ATP13A4: variants seen among roughly 807,000 people sequenced by gnomAD.
The protein encoded by ATP13A4 is ATPase 13A4, also known as probable cation-transporting ATPase 13A4.
A neutral mutation model predicts 142.5 loss-of-function variants in ATP13A4; 114 were observed. The observed-to-expected ratio is 0.80, with a 90% CI of 0.69 to 0.93. The LOEUF (loss-of-function observed/expected upper bound fraction) is 0.93, where lower values mean the gene tolerates loss of function less well. Ranked by LOEUF, ATP13A4 falls within the 40% of genes least tolerant of loss-of-function variation. The probability of loss-of-function intolerance (pLI) is 0.00; values close to 1 mark genes in which losing one functional copy is unlikely to be tolerated. For synonymous variants in ATP13A4, 488 were observed against 514.8 expected, an observed-to-expected ratio of 0.95 and a Z score of 0.70; for missense variants, 1,392 against 1,454.0, an observed-to-expected ratio of 0.96 and a Z score of 0.69.
rs1261840127 is a variant in ATP13A4, at chr3:193,474,602, A to G, written c.809-3609T>C. 3.3e-5 allele frequency among the ~76,000 whole-genome samples: 5 copies of G among 149,926 alleles called. No individual in the cohort carries two copies. In the East Asian group the frequency reaches 9.7e-4, roughly 29 times the overall value. The stretch of plus-strand genomic sequence containing the variant: ...GAAAGAAAGAAGGAAAGAAAGGAAG[A>G]AAGGAAGGAAGAAAGGAAGGAGAGA... On this transcript the variant is annotated intron_variant, in intron 8 of 29. Coordinates refer to ENST00000342695, the MANE Select transcript of ATP13A4 (RefSeq NM_032279.4).
Position 193,523,131 on chromosome 3 carries a change from C to T in ATP13A4, c.61-8260G>A, listed in dbSNP as rs1366554300. On this transcript the variant is annotated intron_variant, in intron 1 of 29. Coordinates refer to ENST00000342695, the MANE Select transcript of ATP13A4 (RefSeq NM_032279.4). ...CAGCCTAGCCAACAAGGTGAAACCCCGTCTCTACTAAAAATTCCAAAAATT... is the reference window on the plus strand; with the variant it reads ...CAGCCTAGCCAACAAGGTGAAACCCTGTCTCTACTAAAAATTCCAAAAATT... 3.3e-5 allele frequency among the ~76,000 whole-genome samples: 5 copies of T among 152,118 alleles called. No individual in the cohort carries two copies. The East Asian group carries it at 5.8e-4, about 18-fold the overall frequency.
intron 17 of ATP13A4, 149 bp from the exon 18 acceptor site, chr3:193,448,479 G>C: frequency 1.0e-6 from 1 of 988,398 alleles, no homozygotes; most frequent in Non-Finnish European, 1.5e-6. Context: ...GGGATTATAG[G>C]TGCCCACCAC....
At position 193,573,301 on chromosome 3, in the gene ATP13A4, A is replaced by ATATATTCT. The variant is rs1553862276; in HGVS notation, n.291+8405_291+8406insAGAATATA. ...CATATATATATATACACATATATAT[A>ATATATTCT]TATATACATATATATATATATATAT... On this transcript the variant is annotated intron_variant and non_coding_transcript_variant, in intron 2 of 3. Coordinates refer to the ATP13A4 transcript ENST00000489140. 1.6e-3 allele frequency among the ~76,000 whole-genome samples: 124 copies of ATATATTCT among 78,964 alleles called. 1 individual carries two copies. Among genetic ancestry groups the ATATATTCT allele is most frequent in the Admixed American group, 4.9e-3 (38 of 7,748 alleles). 51.8% of individuals were successfully genotyped at this position (78,964 alleles called of 152,430 possible).
In ATP13A4 at chr3:193,502,542, G is replaced by C. The variant is rs781023293; in HGVS notation, c.332C>G (p.Thr111Arg). 2 of 1,613,724 alleles carry C rather than the reference G, an allele frequency of 1.2e-6. No individual in the cohort carries two copies. The highest frequency in any genetic ancestry group is 1.7e-6 in the Non-Finnish European group (2 of 1,179,818). Reference sequence around the variant, plus strand: ...TCTATTTATGATATACTCCTCATCTGTCATGAGAGGGTGGTCAGGAGTGAG... The same window carrying C: ...TCTATTTATGATATACTCCTCATCTCTCATGAGAGGGTGGTCAGGAGTGAG... Reference protein sequence around the residue: ...FGLTPDHPLMTDEEYIINRAI... With the variant: ...FGLTPDHPLMRDEEYIINRAI... Residue 111 changes from threonine (T) to arginine (R), a missense_variant, in exon 3 of 30, where the codon ACA (threonine) becomes AGA (arginine). Coordinates refer to ENST00000342695, the MANE Select transcript of ATP13A4 (RefSeq NM_032279.4).
chr3:193,552,724 G>T lies in ATP13A4; in HGVS notation c.60+2016C>A, dbSNP rs555035490. Among the ~76,000 whole-genome samples the T allele has an allele frequency of 7.9e-4, 121 of 152,280 alleles. 1 individual carries two copies. Among genetic ancestry groups the T allele is most frequent in the African/African-American group, 2.8e-3 (116 of 41,552 alleles). ...GCTATGTTCAGGTCCAGAGACAAAA[G>T]AGCTGTCAACTTAAACTAACCTGTG... On this transcript the variant is annotated intron_variant, in intron 1 of 29. Transcript: ENST00000342695.
chr3:193,419,580 A>G (rs1715304862), intron 25 of ATP13A4, among the ~76,000 whole-genome samples: 1 of 137,092 alleles, frequency 7.3e-6, no homozygotes, highest in Non-Finnish European at 1.6e-5. Context: ...CTTACCCCCA[A>G]GCCTGAGCTA....
intron 21 of ATP13A4, among the ~76,000 whole-genome samples, chr3:193,439,321 C>T (rs1023375684): frequency 1.3e-5 from 2 of 152,156 alleles, no homozygotes. Flanking sequence ...GTTTTCTCAG[C>T]TGTAAGACAG....
intron 25 of ATP13A4, among the ~76,000 whole-genome samples, chr3:193,425,413 G>A (rs185871664): frequency 1.9e-4 from 29 of 151,714 alleles, no homozygotes; most frequent in Non-Finnish European, 2.7e-4. Context: ...CTGCACTCCC[G>A]TGTTTATTGA....
chr3:193,510,333 A>G (rs1721078175), intron 2 of ATP13A4, among the ~76,000 whole-genome samples: 1 of 152,102 alleles, frequency 6.6e-6, no homozygotes, highest in African/African-American at 2.4e-5. Flanking sequence ...AAAACATCAA[A>G]CGGAAGTGCC....
intron 16 of ATP13A4, among the ~76,000 whole-genome samples, chr3:193,456,050 A>G (rs1187547988): frequency 1.3e-5 from 2 of 152,158 alleles, no homozygotes; most frequent in African/African-American, 2.4e-5. Flanking sequence ...GGAGAGGATC[A>G]GGAAAAATAA....
intron 16 of ATP13A4, among the ~76,000 whole-genome samples, chr3:193,455,810 G>A (rs1255120725): frequency 6.6e-6 from 1 of 152,162 alleles, no homozygotes; most frequent in Non-Finnish European, 1.5e-5. Context: ...TGGTAGACTG[G>A]ATAAAGAAAA....
chr3:193,513,042 C>G (rs1007200110), intron 2 of ATP13A4, among the ~76,000 whole-genome samples: 9 of 152,206 alleles, frequency 5.9e-5, no homozygotes, highest in Non-Finnish European at 1.2e-4. Flanking sequence ...CCAAGAGTCT[C>G]TAGTAAAATT....
intron 25 of ATP13A4, among the ~76,000 whole-genome samples, chr3:193,425,754 T>C (rs953655007): frequency 6.6e-6 from 1 of 151,794 alleles, no homozygotes; most frequent in African/African-American, 2.4e-5. Context: ...GTTGTCAGTA[T>C]GTACAAAGTT....
At chr3:193,538,515 C>A (rs938399161) in intron 1 of ATP13A4, among the ~76,000 whole-genome samples, 23 of 137,494 alleles carry the variant, frequency 1.7e-4, no homozygotes, top group African/African-American at 5.7e-4. Context: ...AAAAAAAAAA[C>A]CCTAGGCTTT....
chr3:193,537,688 C>T (rs889642726), intron 1 of ATP13A4, among the ~76,000 whole-genome samples: 9 of 152,246 alleles, frequency 5.9e-5, no homozygotes, highest in Admixed American at 2.0e-4. Flanking sequence ...CTGTAAACCA[C>T]ACCTGGAAAC....
Position 193,467,365 on chromosome 3 carries a change from C to T in ATP13A4, c.1065G>A (p.Gln355=). The T allele has an allele frequency of 6.2e-7, 1 of 1,614,170 alleles. No homozygotes were observed. Among genetic ancestry groups the T allele is most frequent in the Non-Finnish European group, 8.5e-7 (1 of 1,180,040 alleles). Residue 355 remains glutamine, a synonymous_variant, in exon 10 of 30, where the codon CAG becomes CAA. Transcript: ENST00000342695. The part of the protein sequence containing the change: ...HVLFCGTEVI[Q]AKAACSGTVR... ...CGGTCCCAGAGCAAGCTGCCTTGGC[C>T]TGGATAACCTCTGTTCCACAGAAGA...
chr3:193,538,157 G>A (rs1722685565), intron 1 of ATP13A4, among the ~76,000 whole-genome samples: 1 of 152,064 alleles, frequency 6.6e-6, no homozygotes, highest in Non-Finnish European at 1.5e-5. Flanking sequence ...AACTGCATAT[G>A]GATCTCCGAA....
At chr3:193,419,690 G>C (rs183868458) in intron 25 of ATP13A4, among the ~76,000 whole-genome samples, 1 of 150,050 alleles carries the variant, frequency 6.7e-6, no homozygotes, top group Non-Finnish European at 1.5e-5. Context: ...CCAGGGAAAA[G>C]CACTGGCTGA....
At chr3:193,514,049 C>T (rs1045657874) in intron 2 of ATP13A4, among the ~76,000 whole-genome samples, 5 of 152,222 alleles carry the variant, frequency 3.3e-5, no homozygotes, top group Admixed American at 2.6e-4. Flanking sequence ...CTTGTGAAAT[C>T]GCTCTTCTTG....
Sources: allele counts gnomAD v4.1 joint callset (sites outside exome capture counted in the v4.1 genomes callset), GRCh38; gene constraint gnomAD v4.1.1; transcripts MANE v1.5; gene names NCBI Gene and HGNC (gene_info 2026-07-23, HGNC 2026-07-21).